Variants in AFG2A observed in about 807,000 individuals in gnomAD.
AFG2A encodes AAA ATPase AFG2A.
At chr4:123,276,856 C>G in the AFG2A span, among the ~76,000 whole-genome samples, 1 of 151,998 alleles carries the variant, frequency 6.6e-6, no homozygotes, top group East Asian at 1.9e-4. Flanking sequence ...GTTTTTGTAC[C>G]AGTATCGTGT....
chr4:123,306,704 C>T, the AFG2A span, among the ~76,000 whole-genome samples: 1 of 152,078 alleles, frequency 6.6e-6, no homozygotes, highest in Non-Finnish European at 1.5e-5. Context: ...TACAGACATG[C>T]ACCACCACAC....
chr4:123,193,615 C>A, the AFG2A span, among the ~76,000 whole-genome samples: 1 of 152,140 alleles, frequency 6.6e-6, no homozygotes, highest in Non-Finnish European at 1.5e-5. Flanking sequence ...CAAAGCTGTT[C>A]TCTGGTGTAC....
At chr4:123,193,593 T>C in the AFG2A span, among the ~76,000 whole-genome samples, 7 of 152,220 alleles carry the variant, frequency 4.6e-5, no homozygotes, top group African/African-American at 1.7e-4. Context: ...TTAATAAGAC[T>C]GAAACCCACA....
the AFG2A span, among the ~76,000 whole-genome samples, chr4:123,224,990 T>G: frequency 1.2e-4 from 19 of 152,394 alleles, no homozygotes; most frequent in South Asian, 1.2e-3. Flanking sequence ...CATGTGTCTT[T>G]TGGCTGCATA....
the AFG2A span, among the ~76,000 whole-genome samples, chr4:122,937,298 C>G: frequency 8.5e-5 from 13 of 152,128 alleles, no homozygotes; most frequent in Non-Finnish European, 1.3e-4. Context: ...TGATCCTCCC[C>G]CTGTAGCCTC....
At chr4:123,153,013 A>G in the AFG2A span, among the ~76,000 whole-genome samples, 4 of 152,202 alleles carry the variant, frequency 2.6e-5, no homozygotes, top group African/African-American at 9.6e-5. Flanking sequence ...TAACAACCAC[A>G]TGTATCTGAT....
the AFG2A span, among the ~76,000 whole-genome samples, chr4:123,266,767 G>C: frequency 1.3e-5 from 2 of 151,088 alleles, no homozygotes; most frequent in East Asian, 3.9e-4. Flanking sequence ...TCCCTATTTC[G>C]GCATATTCTT....
the AFG2A span, among the ~76,000 whole-genome samples, chr4:123,180,978 CT>C: frequency 0.022 from 2,604 of 118,328 alleles, 64 homozygotes; most frequent in African/African-American, 0.073. Flanking sequence ...TCCTCCCCCT[CT>C]TTTTTTTTTT....
chr4:123,229,362 G>C, the AFG2A span, among the ~76,000 whole-genome samples: 3 of 152,090 alleles, frequency 2.0e-5, no homozygotes, highest in South Asian at 6.2e-4. Flanking sequence ...ATAAGACATT[G>C]CAGAGGTTGA....
At chr4:123,029,243 G>A in the AFG2A span, among the ~76,000 whole-genome samples, 1 of 152,058 alleles carries the variant, frequency 6.6e-6, no homozygotes, top group African/African-American at 2.4e-5. Context: ...GACTACAGGT[G>A]CCTGGCAAAT....
the AFG2A span, among the ~76,000 whole-genome samples, chr4:123,019,115 C>T: frequency 6.6e-6 from 1 of 151,916 alleles, no homozygotes; most frequent in Non-Finnish European, 1.5e-5. Flanking sequence ...ACATGCCAGG[C>T]AAAGTACAAT....
the AFG2A span, among the ~76,000 whole-genome samples, chr4:123,046,287 G>A: frequency 1.3e-5 from 2 of 152,070 alleles, no homozygotes. Context: ...GCTGTCTTTT[G>A]TGTGCTCTTG....
At chr4:122,955,238 A>G in the AFG2A span, among the ~76,000 whole-genome samples, 5 of 151,752 alleles carry the variant, frequency 3.3e-5, no homozygotes, top group African/African-American at 1.2e-4. Context: ...TTTATTTGGC[A>G]CCCTCCGTGC....
chr4:123,275,472 A>G, the AFG2A span, among the ~76,000 whole-genome samples: 5,261 of 152,154 alleles, frequency 0.035, 123 homozygotes, highest in African/African-American at 0.05. Context: ...TAACTGACAT[A>G]TGCCTTGGTT....
the AFG2A span, among the ~76,000 whole-genome samples, chr4:123,017,185 GGGAA>G: frequency 1.8e-5 from 1 of 55,232 alleles, no homozygotes; most frequent in South Asian, 1.1e-3. Context: ...AGGGGGGAGA[GGGAA>G]AGGGAGAGGG....
At chr4:123,276,676 G>A in the AFG2A span, among the ~76,000 whole-genome samples, 1 of 152,072 alleles carries the variant, frequency 6.6e-6, no homozygotes, top group African/African-American at 2.4e-5. Context: ...TAACGAAGGG[G>A]TCTAGTTTCA....
At chr4:123,004,214 C>T in the AFG2A span, among the ~76,000 whole-genome samples, 5 of 152,190 alleles carry the variant, frequency 3.3e-5, no homozygotes, top group Admixed American at 6.5e-5. Flanking sequence ...CCTCTGTTAC[C>T]CCTTTCCTTG....
chr4:123,057,801 A>G, the AFG2A span, among the ~76,000 whole-genome samples: 1 of 121,098 alleles, frequency 8.3e-6, no homozygotes, highest in Non-Finnish European at 2.0e-5. Context: ...GTCATTTCAA[A>G]CAAATATATA....
chr4:123,114,401 T>C, the AFG2A span, among the ~76,000 whole-genome samples: 2 of 152,242 alleles, frequency 1.3e-5, no homozygotes, highest in South Asian at 4.1e-4. Flanking sequence ...CTCACACCCG[T>C]GCCAAGGAGC....
Sources: allele counts gnomAD v4.1 joint callset (sites outside exome capture counted in the v4.1 genomes callset), GRCh38; gene constraint gnomAD v4.1.1; transcripts MANE v1.5; gene names NCBI Gene and HGNC (gene_info 2026-07-23, HGNC 2026-07-21).